Variants in KDM4C observed in about 807,000 individuals in gnomAD.
KDM4C encodes the protein lysine-specific demethylase 4C.
KDM4C carries 81 observed loss-of-function variants against 129.3 expected under a neutral mutation model. The observed-to-expected ratio is 0.63, with a 90% CI of 0.52 to 0.75. The LOEUF is 0.75. KDM4C is among the 30% of genes least tolerant of loss of function. The probability of loss-of-function intolerance (pLI) is 0.00; values close to 1 mark genes in which losing one functional copy is unlikely to be tolerated. For missense variants in KDM4C, 1,457 were observed against 1,304.0 expected, an observed-to-expected ratio of 1.12 and a Z score of -1.81; for synonymous variants, 573 against 456.1, an observed-to-expected ratio of 1.26 and a Z score of -3.26.
chr9:6,927,491 A>G (rs1452515391), intron 8 of KDM4C, among the ~76,000 whole-genome samples: 2 of 152,110 alleles, frequency 1.3e-5, no homozygotes, highest in African/African-American at 2.4e-5. Flanking sequence ...AATGCTTCTG[A>G]TCATGTTGAC....
chr9:6,785,987 C>T (rs1299931967), intron 1 of KDM4C, among the ~76,000 whole-genome samples: 1 of 152,178 alleles, frequency 6.6e-6, no homozygotes, highest in Non-Finnish European at 1.5e-5. Flanking sequence ...TGCTTAGGTT[C>T]CTAGAGGGCT....
intron 12 of KDM4C, among the ~76,000 whole-genome samples, chr9:7,001,226 G>C (rs763906405): frequency 1.3e-5 from 2 of 152,148 alleles, no homozygotes; most frequent in Non-Finnish European, 2.9e-5. Flanking sequence ...CATTGTTTTA[G>C]TGTTTATGTT....
intron 8 of KDM4C, among the ~76,000 whole-genome samples, chr9:6,943,357 G>C (rs1826300255): frequency 6.6e-6 from 1 of 152,188 alleles, no homozygotes; most frequent in South Asian, 2.1e-4. Flanking sequence ...ATTATCATTT[G>C]AGGAAAATTA....
intron 12 of KDM4C, among the ~76,000 whole-genome samples, chr9:7,007,395 A>C (rs1042870866): frequency 6.6e-6 from 1 of 152,236 alleles, no homozygotes; most frequent in Non-Finnish European, 1.5e-5. Context: ...CTCTTGGCAT[A>C]AAATCTTTGT....
chr9:6,983,573 G>GACACACACACACACACACAC (rs56086219), intron 9 of KDM4C, among the ~76,000 whole-genome samples: 2,389 of 142,622 alleles, frequency 0.017, 36 homozygotes, highest in African/African-American at 0.026. Flanking sequence ...GTGTCTTTAT[G>GACACACACACACACACACAC]ACACACACAC....
chr9:7,111,518 T>C (rs576889196), intron 18 of KDM4C, among the ~76,000 whole-genome samples: 1 of 152,322 alleles, frequency 6.6e-6, no homozygotes, highest in Non-Finnish European at 1.5e-5. Context: ...TACGTTTATA[T>C]AACTTGCTGT....
rs1308552854 is a variant in KDM4C at position 6,990,535 on chromosome 9, G to A, written c.1786+11G>A. On this transcript the variant is annotated intron_variant, in intron 12 of 21. Transcript: ENST00000381309. ...CGCCAAGTGATGAAGGTGAGATGGTGACCCTTTTTGGGATTTTTTTTTTTT... is the reference window on the plus strand; with the variant it reads ...CGCCAAGTGATGAAGGTGAGATGGTAACCCTTTTTGGGATTTTTTTTTTTT... 2.0e-6 allele frequency: 3 copies of A among 1,496,090 alleles called. No individual in the cohort carries two copies. Among genetic ancestry groups the A allele is most frequent in the Non-Finnish European group, 2.7e-6 (3 of 1,118,808 alleles). 92.7% of individuals were successfully genotyped at this position (1,496,090 alleles called of 1,614,324 possible). A position where few individuals can be genotyped will look rare whatever the true frequency, so the allele number is the denominator to read the frequency against.
chr9:6,926,345 A>AAAAAAAAAAAAAAAAC (rs1452737341), intron 8 of KDM4C, among the ~76,000 whole-genome samples: 1 of 148,816 alleles, frequency 6.7e-6, no homozygotes, highest in Non-Finnish European at 1.5e-5. Context: ...AATTTGTAAA[A>AAAAAAAAAAAAAAAAC]AAAAAAAAAA....
At chr9:7,035,715 T>G (rs1827526209) in intron 15 of KDM4C, among the ~76,000 whole-genome samples, 1 of 152,148 alleles carries the variant, frequency 6.6e-6, no homozygotes, top group Admixed American at 6.5e-5. Context: ...GATATCCAAT[T>G]TTTCCGGCAC....
chr9:6,814,696 T>C lies in KDM4C; in HGVS notation c.386T>C (p.Phe129Ser). The C allele has an allele frequency of 1.2e-6, 2 of 1,612,026 alleles. No individual in the cohort carries two copies. The highest frequency in any genetic ancestry group is 1.7e-6 in the Non-Finnish European group (2 of 1,178,936). The stretch of plus-strand genomic sequence containing the variant: ...CGCAAGTACTGGAAGAACTTAACTT[T>C]TGTGGCACCTATCTATGGTGCAGAT... ...LERKYWKNLT[F>S]VAPIYGADIN... The change falls in exon 4 of 22, where the codon TTT (phenylalanine) becomes TCT (serine). Residue 129 changes from phenylalanine to serine, a missense_variant. Physicochemically the swap from Phe to Ser is radical, Grantham distance 155 (BLOSUM62 -2). Transcript: ENST00000381309.
intron 5 of KDM4C, among the ~76,000 whole-genome samples, chr9:6,877,160 C>T (rs1843687979): frequency 6.6e-6 from 1 of 152,140 alleles, no homozygotes; most frequent in South Asian, 2.1e-4. Context: ...GTGATTCTGC[C>T]TCTGTAATGG....
chr9:7,127,163 T>C (rs890677822), intron 18 of KDM4C, among the ~76,000 whole-genome samples: 28 of 152,086 alleles, frequency 1.8e-4, no homozygotes, highest in South Asian at 4.2e-4. Context: ...AAAATCAGCA[T>C]ACACCACCAT....
chr9:6,897,556 C>G (rs1000320423), intron 8 of KDM4C, among the ~76,000 whole-genome samples: 2 of 152,134 alleles, frequency 1.3e-5, no homozygotes, highest in East Asian at 1.9e-4. Flanking sequence ...AAGATCATTA[C>G]TGAAAAAAAT....
chr9:7,066,011 C>G (rs545630215), intron 17 of KDM4C, among the ~76,000 whole-genome samples: 1 of 144,642 alleles, frequency 6.9e-6, no homozygotes, highest in Non-Finnish European at 1.5e-5. Context: ...AAAAAAAAAA[C>G]TGTAATTGAG....
rs367989580 is a variant in KDM4C at position 6,767,669 on chromosome 9, C to T, written c.-18+9466C>T. On this transcript the variant is annotated intron_variant, in intron 1 of 21. Coordinates refer to ENST00000381309, the MANE Select transcript of KDM4C (RefSeq NM_015061.6). The stretch of plus-strand genomic sequence containing the variant: ...AGAGATGGGGTTTTGCCATGTTGTC[C>T]AGGCTGGTCTTGAAGTCCTGACCTC... Among the ~76,000 whole-genome samples the T allele has an allele frequency of 3.0e-4, 46 of 152,264 alleles. 1 individual carries two copies. In the East Asian group the frequency reaches 5.4e-3, roughly 18 times the overall value.
intron 5 of KDM4C, among the ~76,000 whole-genome samples, chr9:6,858,164 A>C (rs1205146255): frequency 1.3e-5 from 2 of 152,120 alleles, no homozygotes; most frequent in African/African-American, 2.4e-5. Context: ...TGAATTGAAG[A>C]AACAGAAGAC....
At chr9:6,873,908 G>C (rs1426923917) in intron 5 of KDM4C, among the ~76,000 whole-genome samples, 2 of 146,688 alleles carry the variant, frequency 1.4e-5, no homozygotes, top group African/African-American at 2.6e-5. Context: ...AGAGGCGAGA[G>C]AGAGAGCGAG....
At position 7,165,288 on chromosome 9, in the gene KDM4C, A is replaced by C; in HGVS notation, c.2832A>C (p.Gln944His). 1 of 1,614,196 alleles carries C rather than the reference A, an allele frequency of 6.2e-7. No homozygotes were observed. The highest frequency in any genetic ancestry group is 1.6e-4 in the Middle Eastern group (1 of 6,062). ...CACCTGCTGAGGGAGAAGTCGTCCA[A>C]GTCAAGTGGCCCGATGGCAAACTCT... ...LGPPAEGEVV[Q>H]VKWPDGKLYG... The change falls in exon 20 of 22, where the codon CAA becomes CAC. Residue 944 changes from glutamine to histidine, a missense_variant. Physicochemically the swap from Gln to His is conservative, Grantham distance 24 (BLOSUM62 0). Coordinates refer to ENST00000381309, the MANE Select transcript of KDM4C (RefSeq NM_015061.6).
At chr9:6,835,210 C>A in intron 4 of KDM4C, 1 of 915,654 alleles carries the variant, frequency 1.1e-6, no homozygotes, top group Non-Finnish European at 1.8e-6. Flanking sequence ...CGGCAACGAG[C>A]AGTTCTGCTG....
Sources: gnomAD v4.1 joint callset for allele counts (sites outside exome capture counted in the v4.1 genomes callset) on GRCh38, gnomAD v4.1.1 for gene constraint, MANE v1.5 for transcripts, NCBI Gene and HGNC (gene_info 2026-07-23, HGNC 2026-07-21) for gene names.